Variants in DSCAM observed in about 807,000 individuals in gnomAD.
DSCAM encodes cell adhesion molecule DSCAM.
A neutral mutation model predicts 217.7 loss-of-function variants in DSCAM; 47 were observed. That is an observed-to-expected ratio of 0.22 (90% confidence interval 0.17 to 0.28). DSCAM has a LOEUF of 0.28. Ranked by LOEUF, DSCAM falls within the 10% of genes least tolerant of loss-of-function variation. The pLI is 1.00. For missense variants in DSCAM, 2,080 were observed against 2,618.3 expected (o/e 0.79, Z 4.49); for synonymous variants, 1,056 against 1,015.3 (o/e 1.04, Z -0.76).
intron 20 of DSCAM, among the ~76,000 whole-genome samples, chr21:40,113,148 A>G (rs1293024589): frequency 1.3e-5 from 2 of 152,236 alleles, no homozygotes; most frequent in Admixed American, 6.5e-5. Context: ...CCTGATGAAC[A>G]TCGATGCAAA....
chr21:40,085,294 A>G (rs2089517028), intron 23 of DSCAM, among the ~76,000 whole-genome samples: 1 of 152,236 alleles, frequency 6.6e-6, no homozygotes, highest in African/African-American at 2.4e-5. Flanking sequence ...TAGAGTAAAC[A>G]GTGCAATTAA....
At chr21:40,501,142 C>T (rs1016046931) in intron 3 of DSCAM, among the ~76,000 whole-genome samples, 1 of 152,156 alleles carries the variant, frequency 6.6e-6, no homozygotes, top group African/African-American at 2.4e-5. Flanking sequence ...ATGTTAGTTA[C>T]ATAATGCATA....
chr21:40,312,771 T>C (rs2074153335), intron 8 of DSCAM, among the ~76,000 whole-genome samples: 1 of 152,184 alleles, frequency 6.6e-6, no homozygotes, highest in Non-Finnish European at 1.5e-5. Context: ...CTTCTAATTG[T>C]TTCCTGCCTT....
intron 1 of DSCAM, among the ~76,000 whole-genome samples, chr21:40,845,627 C>G (rs2092139213): frequency 6.6e-6 from 1 of 151,676 alleles, no homozygotes; most frequent in South Asian, 2.1e-4. Flanking sequence ...TCTCTCTCCT[C>G]TCTTCTGGCT....
chr21:40,703,818 A>C (rs1188180926), intron 2 of DSCAM, among the ~76,000 whole-genome samples: 1 of 152,062 alleles, frequency 6.6e-6, no homozygotes, highest in Non-Finnish European at 1.5e-5. Context: ...TTTAAATTTC[A>C]CCATCCCTTC....
chr21:40,745,532 T>C (rs1015755199), intron 1 of DSCAM, among the ~76,000 whole-genome samples: 1 of 152,128 alleles, frequency 6.6e-6, no homozygotes, highest in Non-Finnish European at 1.5e-5. Flanking sequence ...AAGAACCTTG[T>C]AGCCAAGAAT....
chr21:40,049,595 A>T (rs916443533), intron 30 of DSCAM, among the ~76,000 whole-genome samples: 2 of 151,914 alleles, frequency 1.3e-5, no homozygotes, highest in African/African-American at 2.4e-5. Flanking sequence ...GTCTTTTTGC[A>T]TCTTACTCAT....
At chr21:40,292,471 C>A (rs2073904930) in intron 10 of DSCAM, among the ~76,000 whole-genome samples, 1 of 151,528 alleles carries the variant, frequency 6.6e-6, no homozygotes, top group South Asian at 2.1e-4. Flanking sequence ...TAACAATATA[C>A]CATATTTCTC....
At position 40,403,870 on chromosome 21, in the gene DSCAM, C is replaced by T. The variant is rs144055660; in HGVS notation, c.509-34625G>A. ...GCAGTTAAGTTTTAAGTGTTCAGAA[C>T]ATTTGATGAAGAAAATATCTTAGAA... On this transcript the variant is annotated intron_variant, in intron 3 of 32. Transcript: ENST00000400454. Among the ~76,000 whole-genome samples the T allele has an allele frequency of 8.7e-4, 132 of 152,234 alleles. 2 individuals carry two copies. The highest frequency in any genetic ancestry group is 6.8e-3 in the Middle Eastern group (2 of 294).
chr21:40,039,364 A>G (rs556896056), intron 32 of DSCAM, among the ~76,000 whole-genome samples: 112 of 133,710 alleles, frequency 8.4e-4, no homozygotes, highest in African/African-American at 3.0e-3. Context: ...TGAAAGTTGG[A>G]GTAGATTTAA....
At chr21:40,681,104 A>G (rs9979024) in intron 3 of DSCAM, among the ~76,000 whole-genome samples, 63,218 of 152,156 alleles carry the variant, frequency 0.42, 13,973 homozygotes, top group East Asian at 0.58. Flanking sequence ...TTTTCAGACT[A>G]CTAATCACTT....
intron 3 of DSCAM, among the ~76,000 whole-genome samples, chr21:40,572,329 A>G (rs2076814717): frequency 6.6e-6 from 1 of 152,228 alleles, no homozygotes; most frequent in South Asian, 2.1e-4. Context: ...CCTAAAAAAT[A>G]ACACAAAGTA....
chr21:40,594,418 C>A (rs541289444), intron 3 of DSCAM, among the ~76,000 whole-genome samples: 2 of 152,090 alleles, frequency 1.3e-5, no homozygotes, highest in African/African-American at 4.8e-5. Context: ...CCTGGCCTGT[C>A]GTTTCAGGAA....
chr21:40,439,164 A>G (rs1294879662), intron 3 of DSCAM, among the ~76,000 whole-genome samples: 1 of 152,204 alleles, frequency 6.6e-6, no homozygotes, highest in Non-Finnish European at 1.5e-5. Context: ...CTCCTGTATC[A>G]TGGAGCTGTT....
intron 3 of DSCAM, among the ~76,000 whole-genome samples, chr21:40,574,916 C>G (rs1483376244): frequency 6.6e-6 from 1 of 152,210 alleles, no homozygotes; most frequent in Non-Finnish European, 1.5e-5. Flanking sequence ...TTAGTAATCA[C>G]TACCATCTCA....
intron 8 of DSCAM, among the ~76,000 whole-genome samples, chr21:40,334,314 C>T (rs1227532230): frequency 6.6e-6 from 1 of 152,148 alleles, no homozygotes; most frequent in Non-Finnish European, 1.5e-5. Context: ...AACTAGACTC[C>T]TAATCGCCTT....
intron 1 of DSCAM, among the ~76,000 whole-genome samples, chr21:40,828,451 G>T (rs898516641): frequency 6.6e-6 from 1 of 152,078 alleles, no homozygotes; most frequent in African/African-American, 2.4e-5. Flanking sequence ...AAATTCAGAA[G>T]AGCCTCAAAG....
intron 30 of DSCAM, among the ~76,000 whole-genome samples, chr21:40,051,367 A>G (rs183984275): frequency 1.6e-4 from 25 of 152,332 alleles, no homozygotes; most frequent in Admixed American, 9.8e-4. Flanking sequence ...TATTAATAAC[A>G]AAATCCAACA....
chr21:40,393,468 G>C (rs1295836059), intron 3 of DSCAM, among the ~76,000 whole-genome samples: 1 of 151,986 alleles, frequency 6.6e-6, no homozygotes, highest in African/African-American at 2.4e-5. Context: ...GTTTTTATAG[G>C]CATATTTTTT....
Sources: allele counts gnomAD v4.1 joint callset (sites outside exome capture counted in the v4.1 genomes callset), GRCh38; gene constraint gnomAD v4.1.1; transcripts MANE v1.5; gene names NCBI Gene and HGNC (gene_info 2026-07-23, HGNC 2026-07-21).